PRRC2B: variants seen among roughly 807,000 people sequenced by gnomAD.
PRRC2B encodes the protein protein PRRC2B.
Under a neutral mutation model 242.3 loss-of-function variants are expected in PRRC2B, and 68 were observed. The observed-to-expected ratio is 0.28, with a 90% CI of 0.23 to 0.34. The LOEUF (loss-of-function observed/expected upper bound fraction) is 0.34, where lower values mean the gene tolerates loss of function less well. Among genes scored for constraint, PRRC2B ranks in the 10% least tolerant of loss-of-function variants. PRRC2B has a pLI of 1.00. For missense variants in PRRC2B, 2,835 were observed against 2,954.8 expected (o/e 0.96, Z 0.94); for synonymous variants, 1,228 against 1,173.6 (o/e 1.05, Z -0.95).
At chr9:131,378,628 T>C (rs1325597298) in intron 1 of PRRC2B, among the ~76,000 whole-genome samples, 1 of 152,216 alleles carries the variant, frequency 6.6e-6, no homozygotes, top group South Asian at 2.1e-4. Flanking sequence ...TCTTCCATTC[T>C]CTTCAGAGGA....
intron 1 of PRRC2B, among the ~76,000 whole-genome samples, chr9:131,404,204 A>G (rs1036734326): frequency 6.7e-6 from 1 of 148,620 alleles, no homozygotes; most frequent in Non-Finnish European, 1.5e-5. Flanking sequence ...TGGTTTAGAT[A>G]TTCCCAGTTG....
chr9:131,485,522 A>G (rs1943995791), intron 25 of PRRC2B: 3 of 470,446 alleles, frequency 6.4e-6, no homozygotes, highest in Non-Finnish European at 1.2e-5. Context: ...CACACCCGTG[A>G]GGCCAGGTCT....
rs757588022 is a variant in PRRC2B at position 131,455,164 on chromosome 9, G to A, written c.1209G>A (p.Lys403=). ...EEEVVKDGRP[K]WNSWDPRRQR... ...AAGTTGTGAAGGACGGCAGGCCAAA[G>A]TGGTAAGGACCCGTTCCTGCCCTAT... The change falls in exon 10 of 32, where the codon AAG becomes AAA. Residue 403 remains lysine, a splice_region_variant and synonymous_variant. Transcript: ENST00000683519. The A allele has an allele frequency of 1.2e-6, 2 of 1,612,270 alleles. No homozygotes were observed. The highest frequency in any genetic ancestry group is 2.2e-5 in the East Asian group (1 of 44,870).
chr9:131,400,299 CTGTT>C (rs1837193796), intron 1 of PRRC2B, among the ~76,000 whole-genome samples: 1 of 151,416 alleles, frequency 6.6e-6, no homozygotes, highest in African/African-American at 2.4e-5. Context: ...TTTGCCCAGG[CTGTT>C]TGTTTTTCTT....
chr9:131,393,905 T>A (rs936331995), upstream of PRRC2B, among the ~76,000 whole-genome samples: 6 of 117,942 alleles, frequency 5.1e-5, no homozygotes, highest in Admixed American at 2.4e-4. Context: ...TCCCCGCCCC[T>A]CCCCCCTGGC....
intron 1 of PRRC2B, among the ~76,000 whole-genome samples, chr9:131,426,351 A>G (rs968673398): frequency 6.6e-6 from 1 of 151,470 alleles, no homozygotes; most frequent in Admixed American, 6.6e-5. Flanking sequence ...AAAAAAAAAA[A>G]AAAAAAAAAG....
At chr9:131,374,757 C>T (rs1346661340) in intron 1 of PRRC2B, among the ~76,000 whole-genome samples, 2 of 152,108 alleles carry the variant, frequency 1.3e-5, no homozygotes, top group African/African-American at 4.8e-5. Context: ...GAACTCCTGA[C>T]CTCAGGTGAT....
At chr9:131,445,870 T>C (rs1254567094) in intron 6 of PRRC2B, among the ~76,000 whole-genome samples, 1 of 152,228 alleles carries the variant, frequency 6.6e-6, no homozygotes, top group East Asian at 1.9e-4. Flanking sequence ...TTTCCGTCTG[T>C]GAGCTACGCA....
intron 16 of PRRC2B, among the ~76,000 whole-genome samples, chr9:131,476,980 C>T (rs1588275127): frequency 6.6e-6 from 1 of 152,222 alleles, no homozygotes; most frequent in Non-Finnish European, 1.5e-5. Context: ...TTCTGCTTCT[C>T]CACTGTGAGG....
chr9:131,424,677 C>T (rs1837934422), intron 1 of PRRC2B, among the ~76,000 whole-genome samples: 2 of 152,134 alleles, frequency 1.3e-5, no homozygotes, highest in Middle Eastern at 3.4e-3. Flanking sequence ...CAGTGTGAGC[C>T]TCTGTCTCAA....
intron 1 of PRRC2B, among the ~76,000 whole-genome samples, chr9:131,375,926 G>C (rs1588231528): frequency 6.6e-6 from 1 of 151,884 alleles, no homozygotes; most frequent in Admixed American, 6.6e-5. Flanking sequence ...GCGATTGCCT[G>C]TAATCCCAGC....
chr9:131,486,365 G>C, intron 26 of PRRC2B, 183 bp downstream of exon 26: 1 of 504,478 alleles, frequency 2.0e-6, no homozygotes, highest in African/African-American at 2.1e-5. Flanking sequence ...AATCGAGACA[G>C]GGAAGAGGAG....
intron 2 of PRRC2B, among the ~76,000 whole-genome samples, chr9:131,430,577 G>GTGTGTGTA (rs1838126167): frequency 7.4e-6 from 1 of 135,306 alleles, no homozygotes; most frequent in African/African-American, 2.9e-5. Context: ...GTGTGTGTGT[G>GTGTGTGTA]TGTGTGTGTG....
chr9:131,435,785 A>G (rs1838345375), intron 3 of PRRC2B, among the ~76,000 whole-genome samples: 1 of 152,258 alleles, frequency 6.6e-6, no homozygotes, highest in African/African-American at 2.4e-5. Context: ...AAAGATGTTC[A>G]GATGCATGAA....
chr9:131,395,404 T>C (rs1001806726), intron 1 of PRRC2B, among the ~76,000 whole-genome samples: 1 of 152,152 alleles, frequency 6.6e-6, no homozygotes, highest in Admixed American at 6.6e-5. Flanking sequence ...TAGTCATGTC[T>C]ATGCACAGCG....
chr9:131,432,646 G>A lies in PRRC2B; in HGVS notation c.145G>A (p.Gly49Arg). The change falls in exon 3 of 32, where the codon GGG (glycine) becomes AGG (arginine). Residue 49 changes from glycine to arginine, a missense_variant. Physicochemically the swap from Gly to Arg is moderately radical, Grantham distance 125. Coordinates refer to ENST00000683519, the MANE Select transcript of PRRC2B (RefSeq NM_013318.4). ...TCCTAGACATGGCTTACAGAGTCTT[G>A]GGAAAGTTGCTGCAGCCCGGCGCAT... is the stretch of plus-strand genomic sequence containing the variant. ...VIPRHGLQSL[G>R]KVAAARRMPP... is the part of the protein sequence containing the mutation. 6.2e-7 allele frequency: 1 copy of A among 1,614,012 alleles called. No homozygotes were observed. Among genetic ancestry groups the A allele is most frequent in the Non-Finnish European group, 8.5e-7 (1 of 1,179,890 alleles).
At chr9:131,377,200 C>T (rs1407666058) in intron 1 of PRRC2B, among the ~76,000 whole-genome samples, 3 of 152,074 alleles carry the variant, frequency 2.0e-5, no homozygotes, top group African/African-American at 4.8e-5. Flanking sequence ...CTGCAACCTC[C>T]GCCTCCCAGG....
rs553444971 is a variant in PRRC2B at position 131,462,836 on chromosome 9, T to TAAAAAAA, written c.1405-1913_1405-1907dup. Among the ~76,000 whole-genome samples the TAAAAAAA allele has an allele frequency of 5.9e-3, 482 of 81,818 alleles. 21 individuals are homozygous for TAAAAAAA. Among genetic ancestry groups the TAAAAAAA allele is most frequent in the East Asian group, 0.026 (50 of 1,890 alleles). The allele number at this position is 81,818 out of a possible 152,430, so 53.7% of individuals were successfully genotyped here. ...CTGGGTGACAGAGTGAGACTCCGTC[T>TAAAAAAA]AAAAAAAAAAAAAAAAAAAAGGTCT... On this transcript the variant is annotated intron_variant, in intron 11 of 31. Transcript: ENST00000683519.
At chr9:131,406,383 CTGTTG>C (rs1837361875) in intron 1 of PRRC2B, among the ~76,000 whole-genome samples, 1 of 152,218 alleles carries the variant, frequency 6.6e-6, no homozygotes, top group South Asian at 2.1e-4. Flanking sequence ...TGTGTCTAGT[CTGTTG>C]TGTTGTGTTC....
Sources: gnomAD v4.1 joint callset for allele counts (sites outside exome capture counted in the v4.1 genomes callset) on GRCh38, gnomAD v4.1.1 for gene constraint, MANE v1.5 for transcripts, NCBI Gene and HGNC (gene_info 2026-07-23, HGNC 2026-07-21) for gene names.